SLIT3: variants seen among roughly 807,000 people sequenced by gnomAD.
SLIT3 encodes slit guidance ligand 3, also known as slit homolog 3 protein.
In SLIT3, 68 loss-of-function variants were observed where a neutral mutation model predicts 184.0. That is an observed-to-expected ratio of 0.37 (90% CI 0.30 to 0.45). The LOEUF (loss-of-function observed/expected upper bound fraction) is 0.45, where lower values mean the gene tolerates loss of function less well. SLIT3 is among the 20% of genes least tolerant of loss of function. The pLI, the probability that SLIT3 is intolerant of heterozygous loss-of-function variation, is 1.00. For missense variants in SLIT3, 1,707 were observed against 2,026.0 expected (o/e 0.84, Z 3.02); for synonymous variants, 831 against 828.6 (o/e 1.00, Z -0.05).
chr5:169,149,854 G>C (rs1323001215), intron 4 of SLIT3, among the ~76,000 whole-genome samples: 1 of 152,192 alleles, frequency 6.6e-6, no homozygotes, highest in Non-Finnish European at 1.5e-5. Flanking sequence ...TGAGATGGCT[G>C]CAGCAGGCTA....
At chr5:168,899,281 T>G (rs1161555680) in intron 4 of SLIT3, among the ~76,000 whole-genome samples, 2 of 152,174 alleles carry the variant, frequency 1.3e-5, no homozygotes, top group African/African-American at 2.4e-5. Context: ...TCTGGGGGGC[T>G]AAGGCAGGAG....
In SLIT3 at chr5:169,166,820, T is replaced by C. The variant is rs552207866; in HGVS notation, c.413+26659A>G. On this transcript the variant is annotated intron_variant, in intron 4 of 35. Coordinates refer to ENST00000519560, the MANE Select transcript of SLIT3 (RefSeq NM_003062.4). Reference sequence around the variant, plus strand: ...ATGATCCCATGTCACTTGGAGAATGTAGAATATTCTCCAAAGTGACTTTCC... The same window carrying C: ...ATGATCCCATGTCACTTGGAGAATGCAGAATATTCTCCAAAGTGACTTTCC... 2.4e-4 allele frequency among the ~76,000 whole-genome samples: 37 copies of C among 152,292 alleles called. 1 individual carries two copies. Among genetic ancestry groups the C allele is most frequent in the South Asian group, 1.7e-3 (8 of 4,826 alleles).
chr5:169,185,278 C>G (rs1763294822), intron 4 of SLIT3, among the ~76,000 whole-genome samples: 1 of 152,188 alleles, frequency 6.6e-6, no homozygotes, highest in Non-Finnish European at 1.5e-5. Flanking sequence ...AATCGGGACT[C>G]AGTTTGCAGG....
chr5:168,667,556 C>T (rs571662671), intron 35 of SLIT3: 1 of 152,258 alleles, frequency 6.6e-6, no homozygotes, highest in African/African-American at 2.4e-5. Flanking sequence ...TGGACCCTGA[C>T]CCAGCTTTTC....
intron 1 of SLIT3, among the ~76,000 whole-genome samples, chr5:169,281,284 C>T (rs927742517): frequency 6.6e-6 from 1 of 152,198 alleles, no homozygotes; most frequent in African/African-American, 2.4e-5. Flanking sequence ...CGAGACCATC[C>T]TGGCCAACAT....
At chr5:168,897,647 T>TGCATACAC (rs3223457) in intron 4 of SLIT3, among the ~76,000 whole-genome samples, 1 of 141,414 alleles carries the variant, frequency 7.1e-6, no homozygotes, top group Non-Finnish European at 1.5e-5. Flanking sequence ...CAGGTGCACG[T>TGCATACAC]ACACACACAC....
Position 169,300,457 on chromosome 5 carries a change from C to G in SLIT3, c.197+56G>C. On this transcript the variant is annotated intron_variant, in intron 1 of 35. Transcript: ENST00000519560. The surrounding 1 kb of genome is among the most constrained non-coding windows in gnomAD (Gnocchi z 4.1). ...GAAAGGACGGATCTGGCGCCTGGGG[C>G]CCCCTCGGTGGGACCCAGGTGGGTG... 7.2e-7 allele frequency: 1 copy of G among 1,393,796 alleles called. No individual in the cohort carries two copies. Among genetic ancestry groups the G allele is most frequent in the South Asian group, 1.6e-5 (1 of 64,232 alleles). The allele number at this position is 1,393,796 out of a possible 1,614,324, so 86.3% of individuals were successfully genotyped here.
At chr5:169,155,083 A>G (rs555669973) in intron 4 of SLIT3, among the ~76,000 whole-genome samples, 5 of 152,362 alleles carry the variant, frequency 3.3e-5, no homozygotes, top group African/African-American at 1.2e-4. Flanking sequence ...GACCTGGTTA[A>G]AGTAATGACA....
intron 32 of SLIT3, among the ~76,000 whole-genome samples, chr5:168,679,125 C>T (rs10066526): frequency 0.036 from 5,439 of 152,290 alleles, 326 homozygotes; most frequent in African/African-American, 0.12. Flanking sequence ...GTGGTGCAAT[C>T]ACAGCTCACT....
chr5:168,947,594 C>A (rs1487790347), intron 4 of SLIT3, among the ~76,000 whole-genome samples: 1 of 152,154 alleles, frequency 6.6e-6, no homozygotes, highest in East Asian at 1.9e-4. Context: ...TGGGTCCTGG[C>A]TGACAGAGGC....
At chr5:169,240,537 G>A (rs927417918) in intron 3 of SLIT3, among the ~76,000 whole-genome samples, 6 of 145,042 alleles carry the variant, frequency 4.1e-5, no homozygotes, top group African/African-American at 1.5e-4. Context: ...CTTTAATAGA[G>A]TGACACTAAC....
intron 11 of SLIT3, 77 bp from the exon 12 acceptor site, chr5:168,786,055 C>T: frequency 2.0e-6 from 2 of 982,646 alleles, no homozygotes; most frequent in Middle Eastern, 2.2e-4. Context: ...GAAGCCATCA[C>T]CTCGGCCAGT....
At chr5:168,902,638 C>G (rs1021848040) in intron 4 of SLIT3, among the ~76,000 whole-genome samples, 2 of 152,198 alleles carry the variant, frequency 1.3e-5, no homozygotes, top group Admixed American at 1.3e-4. Context: ...ATGCTCAGAT[C>G]TAATCTCAGC....
intron 4 of SLIT3, among the ~76,000 whole-genome samples, chr5:169,023,257 T>A (rs188400641): frequency 1.3e-5 from 2 of 152,294 alleles, no homozygotes; most frequent in African/African-American, 2.4e-5. Flanking sequence ...GAGGACCTAG[T>A]GCTGCTATGC....
chr5:169,258,003 T>C (rs954887405), intron 1 of SLIT3, among the ~76,000 whole-genome samples: 1 of 152,188 alleles, frequency 6.6e-6, no homozygotes, highest in Non-Finnish European at 1.5e-5. Flanking sequence ...GAGGACTTTG[T>C]GTTCATTTAT....
At chr5:168,900,791 T>G (rs531586902) in intron 4 of SLIT3, among the ~76,000 whole-genome samples, 1 of 152,172 alleles carries the variant, frequency 6.6e-6, no homozygotes, top group African/African-American at 2.4e-5. Flanking sequence ...TAAAAACGAA[T>G]GAAATCATGT....
At chr5:168,995,517 G>A (rs990232004) in intron 4 of SLIT3, 1 of 152,178 alleles carries the variant, frequency 6.6e-6, no homozygotes, top group Non-Finnish European at 1.5e-5. Flanking sequence ...ATGAAAGAAA[G>A]TGCTTTTAAT....
intron 4 of SLIT3, among the ~76,000 whole-genome samples, chr5:169,058,892 G>A (rs1217400558): frequency 3.9e-5 from 6 of 152,220 alleles, no homozygotes; most frequent in Non-Finnish European, 8.8e-5. Context: ...GCTCTAGAGA[G>A]TATCAAGGAA....
intron 32 of SLIT3, among the ~76,000 whole-genome samples, chr5:168,677,835 C>T (rs1330959910): frequency 6.6e-6 from 1 of 152,200 alleles, no homozygotes; most frequent in Admixed American, 6.5e-5. Flanking sequence ...CTTGACCTTA[C>T]TCTGGGCTTG....
Sources: gnomAD v4.1 joint callset for allele counts (sites outside exome capture counted in the v4.1 genomes callset) on GRCh38, gnomAD v4.1.1 for gene constraint, Gnocchi (gnomAD v3.1) non-coding constraint, MANE v1.5 for transcripts, NCBI Gene and HGNC (gene_info 2026-07-23, HGNC 2026-07-21) for gene names.